The following RARB variants were observed in gnomAD, a reference collection of about 807,000 sequenced individuals.
RARB encodes retinoic acid receptor beta, also known as HBV-activated protein.
In RARB, 17 loss-of-function variants were observed where a neutral mutation model predicts 51.9. That is an observed-to-expected ratio of 0.33 (90% CI 0.22 to 0.49). The LOEUF (loss-of-function observed/expected upper bound fraction) is 0.49, where lower values mean the gene tolerates loss of function less well. RARB is among the 20% of genes least tolerant of loss of function. The pLI is 0.99. For synonymous variants in RARB, 215 were observed against 195.4 expected (o/e 1.10, Z -0.84); for missense variants, 369 against 550.8 (o/e 0.67, Z 3.30).
At chr3:25,333,111 T>G (rs1205052649) in intron 5 of RARB, among the ~76,000 whole-genome samples, 1 of 152,094 alleles carries the variant, frequency 6.6e-6, no homozygotes, top group Admixed American at 6.6e-5. Context: ...CCAAGGTAAT[T>G]TATAGATTCA....
chr3:25,429,824 C>T (rs1312166284), intron 1 of RARB, among the ~76,000 whole-genome samples: 4 of 152,202 alleles, frequency 2.6e-5, no homozygotes, highest in East Asian at 1.9e-4. Context: ...GATGCTTCGC[C>T]GCCCTGACAG....
chr3:25,256,757 T>G (rs920299115), intron 5 of RARB, among the ~76,000 whole-genome samples: 2 of 151,942 alleles, frequency 1.3e-5, no homozygotes, highest in African/African-American at 4.8e-5. Flanking sequence ...TGGCTACATA[T>G]AGAGTTCTTT....
At chr3:25,016,125 GA>G (rs963888249) in intron 2 of RARB, among the ~76,000 whole-genome samples, 24 of 152,268 alleles carry the variant, frequency 1.6e-4, no homozygotes, top group African/African-American at 5.8e-4. Flanking sequence ...TATGAGACAG[GA>G]GTTACCTGCC....
rs548389621 is a variant in RARB at position 25,379,884 on chromosome 3, T to G, written c.179-81309T>G. ...CAGTTGTGTCTTAGATTCCATGAAA[T>G]TTAATAATATAGCCCCTCAGATAAC... On this transcript the variant is annotated intron_variant, in intron 5 of 11. Transcript: ENST00000383772. Among the ~76,000 whole-genome samples, 5 of 152,234 alleles carry G rather than the reference T, an allele frequency of 3.3e-5. No homozygotes were observed. In the East Asian group the frequency reaches 9.7e-4, roughly 29 times the overall value.
At chr3:25,115,995 C>T (rs1575167552) in intron 3 of RARB, among the ~76,000 whole-genome samples, 2 of 152,070 alleles carry the variant, frequency 1.3e-5, no homozygotes, top group South Asian at 4.2e-4. Flanking sequence ...AATTCTCTCC[C>T]ACAGATAATT....
rs1190184011 is a variant in RARB at position 25,419,459 on chromosome 3, TCAAG to T, written c.179-41731_179-41728del. 2.0e-5 allele frequency among the ~76,000 whole-genome samples: 3 copies of T among 152,142 alleles called. No individual in the cohort carries two copies. The South Asian group carries it at 6.2e-4, about 31-fold the overall frequency. On this transcript the variant is annotated intron_variant, in intron 5 of 11. Coordinates refer to the RARB transcript ENST00000383772. Reference sequence around the variant, plus strand: ...ACAGGAAGCCCAAACTTGGGCCTCCTCAAGCAGAGGAATGAGAGGAGCCTGACTA... The same window carrying T: ...ACAGGAAGCCCAAACTTGGGCCTCCTCAGAGGAATGAGAGGAGCCTGACTA...
At chr3:25,386,283 C>G (rs1706791785) in intron 5 of RARB, among the ~76,000 whole-genome samples, 1 of 151,994 alleles carries the variant, frequency 6.6e-6, no homozygotes, top group Admixed American at 6.6e-5. Flanking sequence ...GGAACAACCT[C>G]TCAAAGGCAT....
chr3:25,362,471 A>G (rs11925814), intron 5 of RARB, among the ~76,000 whole-genome samples: 11,247 of 152,064 alleles, frequency 0.074, 591 homozygotes, highest in African/African-American at 0.14. Context: ...CCCCCTTTCC[A>G]GGGGAGTGAA....
At chr3:25,159,409 T>TGCA (rs1553638579) in intron 4 of RARB, among the ~76,000 whole-genome samples, 3 of 68,132 alleles carry the variant, frequency 4.4e-5, no homozygotes, top group Non-Finnish European at 1.1e-4. Flanking sequence ...CCTCAGATGA[T>TGCA]CCACCCCCCC....
At chr3:24,948,188 T>C (rs1695814385) in intron 2 of RARB, among the ~76,000 whole-genome samples, 1 of 152,196 alleles carries the variant, frequency 6.6e-6, no homozygotes, top group Non-Finnish European at 1.5e-5. Context: ...CTTGAAGATC[T>C]GAAGTCTCAG....
chr3:25,521,227 C>T (rs1486925535), intron 3 of RARB, among the ~76,000 whole-genome samples: 1 of 152,200 alleles, frequency 6.6e-6, no homozygotes, highest in Non-Finnish European at 1.5e-5. Flanking sequence ...CTTTGCTATA[C>T]ATGCTCTTGT....
chr3:25,058,592 T>C (rs1698487220), intron 2 of RARB, among the ~76,000 whole-genome samples: 1 of 151,804 alleles, frequency 6.6e-6, no homozygotes, highest in Non-Finnish European at 1.5e-5. Flanking sequence ...ATAAAATCTT[T>C]GAAATTAAAA....
At chr3:25,316,007 C>T (rs773856559) in intron 5 of RARB, among the ~76,000 whole-genome samples, 41 of 152,186 alleles carry the variant, frequency 2.7e-4, no homozygotes, top group Admixed American at 3.9e-4. Context: ...TTCTGTCAGT[C>T]ACCTAGATCC....
At chr3:25,197,095 G>A (rs187405008) in intron 5 of RARB, among the ~76,000 whole-genome samples, 113 of 152,132 alleles carry the variant, frequency 7.4e-4, no homozygotes, top group African/African-American at 2.6e-3. Flanking sequence ...GTCTGTTTTG[G>A]CTTTTGTTGT....
chr3:24,857,581 T>C (rs1273551723), intron 1 of RARB, among the ~76,000 whole-genome samples: 2 of 152,346 alleles, frequency 1.3e-5, no homozygotes, highest in East Asian at 1.9e-4. Flanking sequence ...CCCGTATTTT[T>C]ACTTGTAAAT....
At chr3:25,439,038 T>C (rs1033753889) in intron 1 of RARB, among the ~76,000 whole-genome samples, 1 of 152,210 alleles carries the variant, frequency 6.6e-6, no homozygotes, top group Non-Finnish European at 1.5e-5. Flanking sequence ...ATTAGTCTGG[T>C]ATTTACTGAA....
intron 5 of RARB, among the ~76,000 whole-genome samples, chr3:25,337,779 T>C (rs1356751362): frequency 6.6e-6 from 1 of 152,142 alleles, no homozygotes; most frequent in African/African-American, 2.4e-5. Context: ...ATACCTTTTT[T>C]GCCCTAGAAT....
intron 4 of RARB, among the ~76,000 whole-genome samples, chr3:25,153,753 A>G (rs895991057): frequency 6.6e-6 from 1 of 152,218 alleles, no homozygotes; most frequent in Non-Finnish European, 1.5e-5. Context: ...GATTATAGGC[A>G]TGAGATAACT....
chr3:25,073,141 C>G (rs1156852739), intron 3 of RARB, among the ~76,000 whole-genome samples: 1 of 152,124 alleles, frequency 6.6e-6, no homozygotes, highest in African/African-American at 2.4e-5. Flanking sequence ...AGAAGCCAGG[C>G]AAGTGATGTG....
Sources: gnomAD v4.1 joint callset for allele counts (sites outside exome capture counted in the v4.1 genomes callset) on GRCh38, gnomAD v4.1.1 for gene constraint, MANE v1.5 for transcripts, NCBI Gene and HGNC (gene_info 2026-07-23, HGNC 2026-07-21) for gene names.